KDM4C: variants seen among roughly 807,000 people sequenced by gnomAD.
The protein encoded by KDM4C is lysine demethylase 4C.
Under a neutral mutation model 129.3 loss-of-function variants are expected in KDM4C, and 81 were observed. The ratio of observed to expected loss-of-function variants is 0.63; its 90% confidence interval spans 0.52 to 0.75. KDM4C has a LOEUF of 0.75. KDM4C is among the 30% of genes least tolerant of loss of function. The pLI is 0.00. For synonymous variants in KDM4C, 573 were observed against 456.1 expected (o/e 1.26, Z -3.26); for missense variants, 1,457 against 1,304.0 (o/e 1.12, Z -1.81).
chr9:6,808,057 C>T (rs1830444410), intron 3 of KDM4C, among the ~76,000 whole-genome samples: 2 of 94,202 alleles, frequency 2.1e-5, no homozygotes, highest in South Asian at 3.7e-4. Context: ...TCTGCCCGGC[C>T]GCCCCTGCTG....
chr9:7,040,549 T>G (rs1828419362), intron 15 of KDM4C, among the ~76,000 whole-genome samples: 1 of 152,070 alleles, frequency 6.6e-6, no homozygotes, highest in African/African-American at 2.4e-5. Context: ...AAGAACTTTA[T>G]TTTGGCATTT....
At chr9:7,082,629 A>G (rs755607901) in intron 17 of KDM4C, among the ~76,000 whole-genome samples, 1 of 152,112 alleles carries the variant, frequency 6.6e-6, no homozygotes, top group Non-Finnish European at 1.5e-5. Flanking sequence ...TTGTTCCCTC[A>G]GCTGGCATTT....
At chr9:6,811,580 T>G (rs1831155890) in intron 3 of KDM4C, among the ~76,000 whole-genome samples, 1 of 152,202 alleles carries the variant, frequency 6.6e-6, no homozygotes, top group Non-Finnish European at 1.5e-5. Flanking sequence ...ATAACTCTAA[T>G]ATAAAAATTT....
At chr9:6,736,519 C>T (rs1023627125) in intron 1 of KDM4C, among the ~76,000 whole-genome samples, 1 of 152,108 alleles carries the variant, frequency 6.6e-6, no homozygotes, top group Non-Finnish European at 1.5e-5. Context: ...CAAGGTACAG[C>T]TCAGGCTGTT....
chr9:7,150,708 A>C (rs771757303), intron 19 of KDM4C, among the ~76,000 whole-genome samples: 36 of 152,150 alleles, frequency 2.4e-4, no homozygotes, highest in Non-Finnish European at 4.3e-4. Flanking sequence ...GGGTGTGGTC[A>C]ACCCCGCAGT....
chr9:7,108,579 G>T (rs1012711113), intron 18 of KDM4C, among the ~76,000 whole-genome samples: 3 of 152,140 alleles, frequency 2.0e-5, no homozygotes, highest in Non-Finnish European at 4.4e-5. Flanking sequence ...CCAGCTCCCA[G>T]GCCAGTTTTA....
intron 8 of KDM4C, among the ~76,000 whole-genome samples, chr9:6,910,463 T>G (rs1819088726): frequency 6.6e-6 from 1 of 152,136 alleles, no homozygotes; most frequent in African/African-American, 2.4e-5. Context: ...TTAGAAAAAC[T>G]GGGCAAAAGA....
intron 2 of KDM4C, among the ~76,000 whole-genome samples, chr9:6,797,557 G>C (rs754933639): frequency 6.6e-6 from 1 of 152,190 alleles, no homozygotes; most frequent in Non-Finnish European, 1.5e-5. Context: ...TACTGTTTTT[G>C]TGGAAGGAGA....
Position 7,070,380 on chromosome 9 carries a change from A to G in KDM4C, c.2424+21180A>G, listed in dbSNP as rs1225051964. On this transcript the variant is annotated intron_variant, in intron 17 of 21. Transcript: ENST00000381309. ...ATTAGAAGTGAAGGGAACACCTCCC[A>G]ATTCATTGCATAGGGCCAGCATAAC... Among the ~76,000 whole-genome samples the G allele has an allele frequency of 2.6e-5, 4 of 152,278 alleles. No individual in the cohort carries two copies. The East Asian group carries it at 7.7e-4, about 29-fold the overall frequency.
At chr9:6,817,419 G>A (rs1400724994) in intron 4 of KDM4C, among the ~76,000 whole-genome samples, 2 of 151,978 alleles carry the variant, frequency 1.3e-5, no homozygotes, top group Admixed American at 6.6e-5. Flanking sequence ...TGCCCACGCT[G>A]GTCTCAAACT....
At chr9:7,141,356 A>G (rs1192154030) in intron 19 of KDM4C, among the ~76,000 whole-genome samples, 2 of 151,896 alleles carry the variant, frequency 1.3e-5, no homozygotes, top group South Asian at 2.1e-4. Context: ...TAAAAACAAA[A>G]CAAAACAGAA....
At chr9:7,103,990 G>T in intron 18 of KDM4C, 120 bp downstream of exon 18, 1 of 894,444 alleles carries the variant, frequency 1.1e-6, no homozygotes, top group Non-Finnish European at 1.7e-6. Flanking sequence ...GACATGTCTA[G>T]ACCGTGAGTT....
At chr9:6,855,083 T>C (rs1033805940) in intron 5 of KDM4C, among the ~76,000 whole-genome samples, 6 of 152,218 alleles carry the variant, frequency 3.9e-5, no homozygotes, top group Non-Finnish European at 8.8e-5. Context: ...CATACATTCA[T>C]TTAGCAAATA....
At chr9:6,933,331 A>G (rs1469666574) in intron 8 of KDM4C, among the ~76,000 whole-genome samples, 1 of 152,234 alleles carries the variant, frequency 6.6e-6, no homozygotes, top group Non-Finnish European at 1.5e-5. Flanking sequence ...AAAGATAAAT[A>G]CCAGCATTAC....
chr9:6,759,061 G>A (rs987802458), intron 1 of KDM4C, among the ~76,000 whole-genome samples: 4 of 152,290 alleles, frequency 2.6e-5, no homozygotes, highest in African/African-American at 9.6e-5. Context: ...ACCGGGAGGG[G>A]TTTTGTCAGG....
At chr9:7,011,948 A>G in intron 13 of KDM4C, 69 bp downstream of exon 13, 1 of 1,325,586 alleles carries the variant, frequency 7.5e-7, no homozygotes, top group South Asian at 1.3e-5. Flanking sequence ...CCACAAGATC[A>G]CTGTAAATTG....
At chr9:6,865,781 C>T (rs34404473) in intron 5 of KDM4C, among the ~76,000 whole-genome samples, 2 of 151,106 alleles carry the variant, frequency 1.3e-5, no homozygotes, top group Non-Finnish European at 2.9e-5. Flanking sequence ...GACGGAGTCT[C>T]GCTCTGTCGC....
chr9:6,785,528 A>C (rs754823283), intron 1 of KDM4C, among the ~76,000 whole-genome samples: 1 of 151,934 alleles, frequency 6.6e-6, no homozygotes, highest in Non-Finnish European at 1.5e-5. Context: ...TAGTAGAGAC[A>C]GGGTTTTGCC....
At chr9:7,097,161 T>C (rs895530564) in intron 17 of KDM4C, among the ~76,000 whole-genome samples, 6 of 152,208 alleles carry the variant, frequency 3.9e-5, no homozygotes, top group Non-Finnish European at 7.4e-5. Context: ...GGCTTTCTTA[T>C]TCCTTTAAAA....
Sources: allele counts gnomAD v4.1 joint callset (sites outside exome capture counted in the v4.1 genomes callset), GRCh38; gene constraint gnomAD v4.1.1; transcripts MANE v1.5; gene names NCBI Gene and HGNC (gene_info 2026-07-23, HGNC 2026-07-21).